The following FSTL5 variants were observed in gnomAD, a reference collection of about 807,000 sequenced individuals.
The protein encoded by FSTL5 is follistatin like 5.
FSTL5 carries 62 observed loss-of-function variants against 89.1 expected under a neutral mutation model. The ratio of observed to expected loss-of-function variants is 0.70; its 90% CI spans 0.57 to 0.86. FSTL5 has a LOEUF of 0.86. Ranked by LOEUF, FSTL5 falls within the 40% of genes least tolerant of loss-of-function variation. The probability of loss-of-function intolerance (pLI) is 0.00; values close to 1 mark genes in which losing one functional copy is unlikely to be tolerated. For synonymous variants in FSTL5, 383 were observed against 346.2 expected (o/e 1.11, Z -1.18); for missense variants, 1,057 against 1,001.6 (o/e 1.06, Z -0.75).
At position 162,090,775 on chromosome 4, in the gene FSTL5, C is replaced by T. The variant is rs561871581; in HGVS notation, c.126+20496G>A. 2.7e-3 allele frequency among the ~76,000 whole-genome samples: 417 copies of T among 151,942 alleles called. 3 individuals carry two copies. Among genetic ancestry groups the T allele is most frequent in the South Asian group, 9.4e-3 (45 of 4,782 alleles). On this transcript the variant is annotated intron_variant, in intron 2 of 15. Transcript: ENST00000306100. ...TGGAGGTTCCAGTGAGCCGAGATTG[C>T]GCCACTGCACTCCAACCAGAGCAAC...
intron 15 of FSTL5, among the ~76,000 whole-genome samples, chr4:161,423,154 C>T (rs1229087797): frequency 1.3e-5 from 2 of 152,054 alleles, no homozygotes; most frequent in African/African-American, 2.4e-5. Context: ...GATTTCAAAG[C>T]CATATGGGAC....
intron 15 of FSTL5, among the ~76,000 whole-genome samples, chr4:161,433,636 G>T (rs1732458127): frequency 6.6e-6 from 1 of 152,054 alleles, no homozygotes; most frequent in Non-Finnish European, 1.5e-5. Context: ...GTATGCAGAT[G>T]ATATAATCTT....
chr4:162,054,451 T>C (rs1738474166), intron 2 of FSTL5, among the ~76,000 whole-genome samples: 1 of 151,678 alleles, frequency 6.6e-6, no homozygotes, highest in Admixed American at 6.6e-5. Flanking sequence ...TGATAATAAA[T>C]AAATAAATTG....
At chr4:161,720,979 T>C (rs1739181748) in intron 6 of FSTL5, among the ~76,000 whole-genome samples, 1 of 152,102 alleles carries the variant, frequency 6.6e-6, no homozygotes, top group Admixed American at 6.6e-5. Flanking sequence ...CGCCACACTG[T>C]ATACTTAAAA....
chr4:161,440,483 C>T lies in FSTL5; in HGVS notation c.1841+14521G>A, dbSNP rs139587086. On this transcript the variant is annotated intron_variant, in intron 15 of 15. Coordinates refer to ENST00000306100, the MANE Select transcript of FSTL5 (RefSeq NM_020116.5). ...CCACAACAGATAAGCAAAAAAGTCC[C>T]GCATTCAAAGGGTTAGACATGGCTG... Among the ~76,000 whole-genome samples the T allele has an allele frequency of 1.1e-3, 174 of 152,136 alleles. No individual in the cohort carries two copies. In the East Asian group the frequency reaches 0.013, roughly 12 times the overall value.
At chr4:161,777,530 A>G (rs1283261113) in intron 4 of FSTL5, among the ~76,000 whole-genome samples, 9 of 152,154 alleles carry the variant, frequency 5.9e-5, no homozygotes, top group Admixed American at 5.9e-4. Flanking sequence ...CTGACTTCTT[A>G]ATAGCACTAA....
intron 6 of FSTL5, among the ~76,000 whole-genome samples, chr4:161,675,514 A>G (rs1737271125): frequency 6.6e-6 from 1 of 150,556 alleles, no homozygotes; most frequent in Non-Finnish European, 1.5e-5. Flanking sequence ...TTATCTTTAT[A>G]TAATTCATTT....
chr4:161,736,541 T>C (rs1739824149), intron 6 of FSTL5, among the ~76,000 whole-genome samples: 1 of 152,114 alleles, frequency 6.6e-6, no homozygotes, highest in South Asian at 2.1e-4. Context: ...GATAATCAAA[T>C]GTAACTGAAA....
At chr4:161,746,930 G>T (rs1266668527) in intron 6 of FSTL5, among the ~76,000 whole-genome samples, 2 of 152,054 alleles carry the variant, frequency 1.3e-5, no homozygotes, top group Non-Finnish European at 2.9e-5. Flanking sequence ...TAGCAGAAAA[G>T]CACCTGTCCT....
At chr4:161,881,630 T>C (rs1290457938) in intron 4 of FSTL5, among the ~76,000 whole-genome samples, 1 of 152,088 alleles carries the variant, frequency 6.6e-6, no homozygotes, top group African/African-American at 2.4e-5. Flanking sequence ...CAAACTCCAG[T>C]GAAGAAAGTG....
At chr4:161,628,826 A>T (rs1334378548) in intron 7 of FSTL5, among the ~76,000 whole-genome samples, 2 of 152,214 alleles carry the variant, frequency 1.3e-5, no homozygotes, top group Non-Finnish European at 2.9e-5. Flanking sequence ...GACAGCCATG[A>T]AATTCTGCTG....
At chr4:161,892,540 A>C (rs1223152942) in intron 4 of FSTL5, among the ~76,000 whole-genome samples, 1 of 152,062 alleles carries the variant, frequency 6.6e-6, no homozygotes, top group Non-Finnish European at 1.5e-5. Flanking sequence ...ACCTTGTAGA[A>C]GTCTATAGGT....
rs142452931 is a variant in FSTL5, at chr4:161,592,737, T to C, written c.895-5162A>G. On this transcript the variant is annotated intron_variant, in intron 7 of 15. Transcript: ENST00000306100. ...TGAATAGTGCTGCAATAAACATACG[T>C]GAGCAAGTGTCTTTATAGTAGAATG... Among the ~76,000 whole-genome samples the C allele has an allele frequency of 5.8e-3, 891 of 152,316 alleles. 10 individuals carry two copies. The highest frequency in any genetic ancestry group is 8.9e-3 in the Non-Finnish European group (607 of 68,026).
At chr4:161,838,090 A>T (rs1343494567) in intron 4 of FSTL5, among the ~76,000 whole-genome samples, 1 of 152,220 alleles carries the variant, frequency 6.6e-6, no homozygotes, top group Non-Finnish European at 1.5e-5. Context: ...TTTCACACAG[A>T]TATGAATAAT....
chr4:161,635,039 GA>G (rs77282962), intron 7 of FSTL5, among the ~76,000 whole-genome samples: 28,840 of 151,696 alleles, frequency 0.19, 3,363 homozygotes, highest in Non-Finnish European at 0.24. Context: ...CAATAAAGCT[GA>G]AAAAAAATCT....
chr4:161,566,135 T>TATATATATATATAC (rs1267325201), intron 8 of FSTL5, among the ~76,000 whole-genome samples: 6 of 55,150 alleles, frequency 1.1e-4, no homozygotes, highest in East Asian at 1.2e-3. Context: ...TATATATATA[T>TATATATATATATAC]ACACACACAC....
intron 4 of FSTL5, among the ~76,000 whole-genome samples, chr4:161,802,711 T>A (rs886771601): frequency 6.6e-6 from 1 of 151,706 alleles, no homozygotes; most frequent in Non-Finnish European, 1.5e-5. Context: ...CAAAGAATAT[T>A]TATGCTGCTA....
intron 6 of FSTL5, among the ~76,000 whole-genome samples, chr4:161,659,409 T>A (rs1736631947): frequency 6.6e-6 from 1 of 152,172 alleles, no homozygotes; most frequent in African/African-American, 2.4e-5. Flanking sequence ...GCAGCACAAT[T>A]TATTTTAGCT....
intron 4 of FSTL5, among the ~76,000 whole-genome samples, chr4:161,892,059 T>C (rs1397997881): frequency 6.6e-6 from 1 of 152,022 alleles, no homozygotes; most frequent in Admixed American, 6.6e-5. Flanking sequence ...TATTAGCTAT[T>C]CATGTTTATG....
Sources: gnomAD v4.1 joint callset for allele counts (sites outside exome capture counted in the v4.1 genomes callset) on GRCh38, gnomAD v4.1.1 for gene constraint, MANE v1.5 for transcripts, NCBI Gene and HGNC (gene_info 2026-07-23, HGNC 2026-07-21) for gene names.